TSPAN9: variants seen among roughly 807,000 people sequenced by gnomAD.
TSPAN9 encodes tetraspanin 9, also known as tetraspanin-9.
In TSPAN9, 16 loss-of-function variants were observed where a neutral mutation model predicts 31.0. The ratio of observed to expected loss-of-function variants is 0.52; its 90% CI spans 0.35 to 0.78. The LOEUF is 0.78. Among genes scored for constraint, TSPAN9 ranks in the 30% least tolerant of loss-of-function variants. TSPAN9 has a pLI of 0.01. For missense variants in TSPAN9, 272 were observed against 312.5 expected, an observed-to-expected ratio of 0.87 and a Z score of 0.98; for synonymous variants, 145 against 121.6, an observed-to-expected ratio of 1.19 and a Z score of -1.27.
intron 2 of TSPAN9, among the ~76,000 whole-genome samples, chr12:3,116,312 C>T (rs1029167127): frequency 6.6e-6 from 1 of 152,198 alleles, no homozygotes; most frequent in African/African-American, 2.4e-5. Context: ...TTGACCTTAG[C>T]AAGCTGCGAA....
At chr12:3,095,872 G>T (rs1443275377) in intron 2 of TSPAN9, among the ~76,000 whole-genome samples, 1 of 147,956 alleles carries the variant, frequency 6.8e-6, no homozygotes, top group African/African-American at 2.5e-5. Context: ...AGGCAGAGGG[G>T]CTCCTCACAT....
At chr12:3,164,958 A>G (rs1010257988) in intron 2 of TSPAN9, among the ~76,000 whole-genome samples, 5 of 152,162 alleles carry the variant, frequency 3.3e-5, no homozygotes, top group Non-Finnish European at 7.4e-5. Context: ...CGGGCTTCTC[A>G]GGTCCCTTCA....
intron 3 of TSPAN9, among the ~76,000 whole-genome samples, chr12:3,214,729 C>T (rs1006102292): frequency 6.6e-6 from 1 of 152,080 alleles, no homozygotes; most frequent in Non-Finnish European, 1.5e-5. Context: ...GGCGGGCTGC[C>T]GTATTAAGCA....
intron 2 of TSPAN9, among the ~76,000 whole-genome samples, chr12:3,154,010 ATGTGTGTGTGTGTGTGTG>A (rs56928697): frequency 1.4e-5 from 2 of 147,900 alleles, no homozygotes; most frequent in Non-Finnish European, 3.0e-5. Flanking sequence ...TTATATATAT[ATGTGTGTGTGTGTGTGTG>A]TGTGTGTGTG....
chr12:3,210,272 T>C (rs575679372), intron 3 of TSPAN9, among the ~76,000 whole-genome samples: 60 of 152,316 alleles, frequency 3.9e-4, no homozygotes, highest in Non-Finnish European at 6.5e-4. Flanking sequence ...CTTTCCTAGA[T>C]AATGCCAGAT....
At position 3,278,069 on chromosome 12, in the gene TSPAN9, A is replaced by G. The variant is rs139515554; in HGVS notation, c.64-352A>G. Among the ~76,000 whole-genome samples, 549 of 152,234 alleles carry G rather than the reference A, an allele frequency of 3.6e-3. 7 individuals are homozygous for G. Among genetic ancestry groups the G allele is most frequent in the African/African-American group, 0.012 (518 of 41,532 alleles). ...TCTTGGACACTGGGGCCTCTTCTCT[A>G]TCATGCAGAGTAACCTAACCACTCA... On this transcript the variant is annotated intron_variant, in intron 3 of 8. Transcript: ENST00000011898.
At chr12:3,275,635 C>G (rs563133563) in intron 3 of TSPAN9, among the ~76,000 whole-genome samples, 1 of 152,260 alleles carries the variant, frequency 6.6e-6, no homozygotes, top group Non-Finnish European at 1.5e-5. Flanking sequence ...ACCTAGTGGC[C>G]GTAGGCGGGG....
chr12:3,140,212 G>A (rs963597953), intron 2 of TSPAN9, among the ~76,000 whole-genome samples: 2 of 152,110 alleles, frequency 1.3e-5, no homozygotes, highest in Non-Finnish European at 1.5e-5. Context: ...ATGCTGTAGC[G>A]GTTGACCTGG....
intron 2 of TSPAN9, among the ~76,000 whole-genome samples, chr12:3,195,985 C>T (rs926340604): frequency 2.6e-5 from 4 of 152,176 alleles, no homozygotes; most frequent in African/African-American, 7.2e-5. Flanking sequence ...TAGCTGCAGT[C>T]GTGAGTGGGG....
In TSPAN9 at chr12:3,172,516, T is replaced by C. The variant is rs988156103; in HGVS notation, c.-17-28661T>C. 5.9e-5 allele frequency: 9 copies of C among 152,328 alleles called. No individual in the cohort carries two copies. The highest frequency in any genetic ancestry group is 2.2e-4 in the African/African-American group (9 of 41,568). 9.4% of individuals were successfully genotyped at this position (152,328 alleles called of 1,614,324 possible). On this transcript the variant is annotated intron_variant, in intron 2 of 8. Coordinates refer to ENST00000011898, the MANE Select transcript of TSPAN9 (RefSeq NM_006675.5). This position sits in a 1 kb window ranked among gnomAD's most constrained non-coding sequence, Gnocchi z 4.8. ...CCGGGGGAACTTAAACGCCGCTTGC[T>C]GAGTCCCACCCTAGCGCATAGAATC...
chr12:3,156,443 G>A (rs1461748077), intron 2 of TSPAN9, among the ~76,000 whole-genome samples: 2 of 152,164 alleles, frequency 1.3e-5, no homozygotes, highest in South Asian at 4.1e-4. Flanking sequence ...CTTGATAGGG[G>A]AGGTGTTGGA....
At chr12:3,248,973 G>A (rs1401695745) in intron 3 of TSPAN9, among the ~76,000 whole-genome samples, 9 of 152,110 alleles carry the variant, frequency 5.9e-5, no homozygotes, top group African/African-American at 1.7e-4. Flanking sequence ...CCTCCTGTCC[G>A]TCCCACCCGT....
At chr12:3,156,128 G>A (rs559074633) in intron 2 of TSPAN9, among the ~76,000 whole-genome samples, 2 of 152,270 alleles carry the variant, frequency 1.3e-5, no homozygotes, top group South Asian at 2.1e-4. Flanking sequence ...TTAATAACAG[G>A]CCAGCCTCCT....
At chr12:3,096,043 CG>C (rs60910644) in intron 2 of TSPAN9, among the ~76,000 whole-genome samples, 11,180 of 151,490 alleles carry the variant, frequency 0.074, 1,442 homozygotes, top group African/African-American at 0.26. Flanking sequence ...CGCTGCCTCC[CG>C]GGCGGCGCTC....
intron 2 of TSPAN9, among the ~76,000 whole-genome samples, chr12:3,154,477 G>A (rs778427624): frequency 2.6e-5 from 4 of 152,192 alleles, no homozygotes; most frequent in Non-Finnish European, 5.9e-5. Context: ...TGAAATGACC[G>A]TGGGCTCACC....
Position 3,201,241 on chromosome 12 carries a change from C to G in TSPAN9, c.48C>G (p.Phe16Leu), listed in dbSNP as rs1397403469. The change falls in exon 3 of 9, where the codon TTC (phenylalanine) becomes TTG (leucine). Residue 16 changes from phenylalanine (F) to leucine (L), a missense_variant. Phe to Leu is a conservative substitution (Grantham distance 22). Coordinates refer to ENST00000011898, the MANE Select transcript of TSPAN9 (RefSeq NM_006675.5). ...LCCLKYMMFL[F>L]NLIFWLCGCG... is the part of the protein sequence containing the mutation. ...GCTTGAAGTACATGATGTTCCTCTT[C>G]AATTTGATATTCTGGGTAAGTCCTT... is the stretch of plus-strand genomic sequence containing the variant. 2 of 1,613,954 alleles carry G rather than the reference C, an allele frequency of 1.2e-6. No individual in the cohort carries two copies. The highest frequency in any genetic ancestry group is 1.7e-6 in the Non-Finnish European group (2 of 1,180,014).
chr12:3,201,269 G>A lies in TSPAN9; in HGVS notation c.63+13G>A. On this transcript the variant is annotated intron_variant, in intron 3 of 8. Transcript: ENST00000011898. ...TTTGATATTCTGGGTAAGTCCTTCCGTTTCTCTCTCCCTTCGCCCTCTTCT... is the reference window on the plus strand; with the variant it reads ...TTTGATATTCTGGGTAAGTCCTTCCATTTCTCTCTCCCTTCGCCCTCTTCT... 6.2e-7 allele frequency: 1 copy of A among 1,613,280 alleles called. No homozygotes were observed.
intron 3 of TSPAN9, among the ~76,000 whole-genome samples, chr12:3,215,838 G>A (rs764650026): frequency 7.2e-5 from 11 of 151,970 alleles, no homozygotes; most frequent in Non-Finnish European, 1.2e-4. Flanking sequence ...ACGTTCCACC[G>A]GGACCTCTCC....
rs142257817 is a variant in TSPAN9, at chr12:3,275,002, G to A, written c.64-3419G>A. On this transcript the variant is annotated intron_variant, in intron 3 of 8. Coordinates refer to ENST00000011898, the MANE Select transcript of TSPAN9 (RefSeq NM_006675.5). Reference sequence around the variant, plus strand: ...CCTGGAGGACTTTGGACAGGAAATGGGAAAGGAAGCAGATTTGGGGACAGG... The same window carrying A: ...CCTGGAGGACTTTGGACAGGAAATGAGAAAGGAAGCAGATTTGGGGACAGG... Among the ~76,000 whole-genome samples, 1,252 of 152,342 alleles carry A rather than the reference G, an allele frequency of 8.2e-3. 17 individuals carry two copies. Among genetic ancestry groups the A allele is most frequent in the African/African-American group, 0.029 (1,206 of 41,582 alleles).
Sources: allele counts gnomAD v4.1 joint callset (sites outside exome capture counted in the v4.1 genomes callset), GRCh38; gene constraint gnomAD v4.1.1; non-coding constraint Gnocchi (gnomAD v3.1); transcripts MANE v1.5; gene names NCBI Gene and HGNC (gene_info 2026-07-23, HGNC 2026-07-21).